DISC1: variants seen among roughly 807,000 people sequenced by gnomAD.
The protein encoded by DISC1 is DISC1 scaffold protein.
A neutral mutation model predicts 84.5 loss-of-function variants in DISC1; 57 were observed. The ratio of observed to expected loss-of-function variants is 0.67; its 90% CI spans 0.55 to 0.84. The LOEUF (loss-of-function observed/expected upper bound fraction) is 0.84, where lower values mean the gene tolerates loss of function less well. Ranked by LOEUF, DISC1 falls within the 40% of genes least tolerant of loss-of-function variation. DISC1 has a pLI of 0.00. For missense variants in DISC1, 1,000 were observed against 1,057.8 expected, an observed-to-expected ratio of 0.95 and a Z score of 0.76; for synonymous variants, 411 against 415.2, an observed-to-expected ratio of 0.99 and a Z score of 0.12.
chr1:231,886,541 C>T (rs1323585407), intron 9 of DISC1, among the ~76,000 whole-genome samples: 4 of 152,308 alleles, frequency 2.6e-5, no homozygotes, highest in Admixed American at 6.5e-5. Flanking sequence ...CCAGTTTGCA[C>T]GTGTGTCTAC....
At chr1:231,958,752 G>C in intron 9 of DISC1, 76 bp from the exon 10 acceptor site, 7 of 1,450,388 alleles carry the variant, frequency 4.8e-6, no homozygotes, top group Non-Finnish European at 6.7e-6. Context: ...CTTTGGCTTT[G>C]AGCTTTTAGT....
chr1:231,813,556 G>A (rs149327181), intron 8 of DISC1, among the ~76,000 whole-genome samples: 76 of 152,218 alleles, frequency 5.0e-4, no homozygotes, highest in African/African-American at 1.8e-3. Context: ...TTACCGATCC[G>A]GGAAAAGTTT....
intron 9 of DISC1, among the ~76,000 whole-genome samples, chr1:231,849,140 G>A (rs2125892988): frequency 9.5e-6 from 1 of 104,870 alleles, no homozygotes; most frequent in Middle Eastern, 6.8e-3. Context: ...TTTTTTTTGA[G>A]ACAGAATTTT....
chr1:232,022,361 G>A (rs1463110602), intron 11 of DISC1, among the ~76,000 whole-genome samples: 1 of 150,360 alleles, frequency 6.7e-6, no homozygotes, highest in African/African-American at 2.5e-5. Context: ...AGGCCGGAGT[G>A]CAGTGGTGCG....
chr1:231,664,667 ACTTTGACC>A (rs2061858920), intron 1 of DISC1, among the ~76,000 whole-genome samples: 1 of 152,182 alleles, frequency 6.6e-6, no homozygotes, highest in African/African-American at 2.4e-5. Context: ...AGTGAGACTC[ACTTTGACC>A]TCCAGAACTG....
intron 4 of DISC1, among the ~76,000 whole-genome samples, chr1:231,753,626 T>A (rs975674132): frequency 1.3e-5 from 2 of 152,232 alleles, no homozygotes; most frequent in Non-Finnish European, 2.9e-5. Flanking sequence ...AGCACTCAGC[T>A]CCTTTTTACT....
intron 11 of DISC1, among the ~76,000 whole-genome samples, chr1:232,016,767 C>T (rs190590033): frequency 5.3e-5 from 8 of 152,338 alleles, no homozygotes; most frequent in African/African-American, 1.9e-4. Context: ...GAAGACAATT[C>T]ATTGCTTGCT....
rs6680196 is a variant in DISC1 at position 231,916,544 on chromosome 1, A to C, written c.1982-42284A>C. Among the ~76,000 whole-genome samples the C allele has an allele frequency of 4.0e-3, 595 of 148,944 alleles. 7 individuals are homozygous for C. The highest frequency in any genetic ancestry group is 0.014 in the African/African-American group (562 of 40,298). On this transcript the variant is annotated intron_variant, in intron 9 of 12. Coordinates refer to ENST00000439617, the MANE Select transcript of DISC1 (RefSeq NM_018662.3). ...GTGGCGGGCGCCTGTAGTCCCAGCT[A>C]CTCGGGAGGCTGAGGCAGGAGAATG... is the stretch of plus-strand genomic sequence containing the variant.
intron 5 of DISC1, among the ~76,000 whole-genome samples, chr1:231,769,882 A>G (rs200585416): frequency 3.3e-5 from 5 of 152,182 alleles, no homozygotes; most frequent in Non-Finnish European, 5.9e-5. Context: ...GTAATACTGT[A>G]ATCTTGGAGC....
At chr1:231,947,699 A>G (rs1657504744) in intron 9 of DISC1, among the ~76,000 whole-genome samples, 1 of 152,242 alleles carries the variant, frequency 6.6e-6, no homozygotes, top group East Asian at 1.9e-4. Flanking sequence ...AATTTTTGCA[A>G]TCTATCCATC....
At chr1:231,798,451 T>C (rs1417910583) in intron 7 of DISC1, among the ~76,000 whole-genome samples, 1 of 152,138 alleles carries the variant, frequency 6.6e-6, no homozygotes, top group African/African-American at 2.4e-5. Context: ...TCAATTATGA[T>C]TAACAGATAC....
At chr1:231,731,890 T>C (rs1265255925) in intron 3 of DISC1, among the ~76,000 whole-genome samples, 8 of 152,208 alleles carry the variant, frequency 5.3e-5, no homozygotes. Flanking sequence ...TCTCAACAGT[T>C]ACAACAAAGT....
At chr1:231,687,097 C>T (rs1484240102) in intron 1 of DISC1, among the ~76,000 whole-genome samples, 1 of 152,146 alleles carries the variant, frequency 6.6e-6, no homozygotes, top group Non-Finnish European at 1.5e-5. Context: ...TAGGGAGTTC[C>T]AAACTTTCTC....
At chr1:231,970,455 G>C (rs1255887098) in intron 10 of DISC1, among the ~76,000 whole-genome samples, 1 of 152,182 alleles carries the variant, frequency 6.6e-6, no homozygotes, top group African/African-American at 2.4e-5. Context: ...AGGAAGATTA[G>C]AAGTGAAGCC....
chr1:231,869,449 T>C (rs73094837), intron 9 of DISC1, among the ~76,000 whole-genome samples: 5,431 of 152,234 alleles, frequency 0.036, 318 homozygotes, highest in African/African-American at 0.12. Flanking sequence ...TGTGTTGCTA[T>C]AATGGAATAA....
intron 1 of DISC1, among the ~76,000 whole-genome samples, chr1:231,669,238 G>A (rs2062330682): frequency 6.6e-6 from 1 of 152,086 alleles, no homozygotes; most frequent in Admixed American, 6.6e-5. Flanking sequence ...TTATGTTGGT[G>A]TACAAAATAG....
chr1:231,859,737 G>A (rs1322098541), intron 9 of DISC1, among the ~76,000 whole-genome samples: 1 of 152,076 alleles, frequency 6.6e-6, no homozygotes, highest in Non-Finnish European at 1.5e-5. Context: ...TTTGCATTAT[G>A]ACTGAGTTTT....
intron 12 of DISC1, 39 bp from the exon 13 acceptor site, chr1:232,036,653 A>T: frequency 6.6e-7 from 1 of 1,517,372 alleles, no homozygotes. Flanking sequence ...GCAGAGGGCC[A>T]CGATCACCTT....
rs1384692377 is a variant in DISC1, at chr1:231,626,820, G to C, written c.-48G>C. 2.2e-6 allele frequency: 3 copies of C among 1,377,490 alleles called. No individual in the cohort carries two copies. In the African/African-American group the frequency reaches 4.6e-5, roughly 21 times the overall value. 85.3% of individuals were successfully genotyped at this position (1,377,490 alleles called of 1,614,324 possible). A position where few individuals can be genotyped will look rare whatever the true frequency, so the allele number is the denominator to read the frequency against. Reference sequence around the variant, plus strand: ...CCCCCCGCCTCTGGCCTCGGGGAAGGAGCAGGAGGCAGCCCAGGCGGAGCG... The same window carrying C: ...CCCCCCGCCTCTGGCCTCGGGGAAGCAGCAGGAGGCAGCCCAGGCGGAGCG... On this transcript the variant is annotated 5_prime_UTR_variant, in exon 1 of 13. Coordinates refer to ENST00000439617, the MANE Select transcript of DISC1 (RefSeq NM_018662.3).
Sources: gnomAD v4.1 joint callset for allele counts (sites outside exome capture counted in the v4.1 genomes callset) on GRCh38, gnomAD v4.1.1 for gene constraint, MANE v1.5 for transcripts, NCBI Gene and HGNC (gene_info 2026-07-23, HGNC 2026-07-21) for gene names.